Variants in TSC2 observed in about 807,000 individuals in gnomAD.
TSC2 encodes the protein TSC complex subunit 2.
Under a neutral mutation model 202.2 loss-of-function variants are expected in TSC2, and 29 were observed. That is an observed-to-expected ratio of 0.14 (90% CI 0.11 to 0.20). The LOEUF is 0.20. Among genes scored for constraint, TSC2 ranks in the 10% least tolerant of loss-of-function variants. The pLI, the probability that TSC2 is intolerant of heterozygous loss-of-function variation, is 1.00. For missense variants in TSC2, 2,429 were observed against 2,420.0 expected (o/e 1.00, Z -0.08); for synonymous variants, 1,349 against 1,044.0 (o/e 1.29, Z -5.63).
At chr16:2,080,646 G>A (rs1031344671) in intron 30 of TSC2, 2 of 467,546 alleles carry the variant, frequency 4.3e-6, no homozygotes, top group Non-Finnish European at 3.9e-6. Flanking sequence ...ACCACGCCTG[G>A]CCAATTTTTT....
At position 2,066,819 on chromosome 16, in the gene TSC2, C is replaced by T. The variant is rs549814655; in HGVS notation, c.1716+1184C>T. Among the ~76,000 whole-genome samples the T allele has an allele frequency of 7.9e-5, 12 of 152,038 alleles. No homozygotes were observed. The East Asian group carries it at 2.3e-3, about 29-fold the overall frequency. The stretch of plus-strand genomic sequence containing the variant: ...CGTATTACAGGCACCTGCCAACATA[C>T]TCGGCTAATTTTTTGTATTATTAGT... On this transcript the variant is annotated intron_variant, in intron 16 of 41. Coordinates refer to ENST00000219476, the MANE Select transcript of TSC2 (RefSeq NM_000548.5).
In TSC2 at chr16:2,073,107, C is replaced by G. The variant is rs2151330848; in HGVS notation, c.2355+124C>G. 8.8e-6 allele frequency: 13 copies of G among 1,472,290 alleles called. No individual in the cohort carries two copies. In the South Asian group the frequency reaches 1.6e-4, roughly 18 times the overall value. 91.2% of individuals were successfully genotyped at this position (1,472,290 alleles called of 1,614,324 possible). On this transcript the variant is annotated intron_variant, in intron 21 of 41. Coordinates refer to ENST00000219476, the MANE Select transcript of TSC2 (RefSeq NM_000548.5). ...CAGGCCAGGGATGAGTGAGTTGGCT[C>G]TGCTTCCCTGGGTGGCTGCCAGATG... is the stretch of plus-strand genomic sequence containing the variant.
chr16:2,067,517 T>A (rs1348788452), intron 16 of TSC2, among the ~76,000 whole-genome samples: 6 of 150,188 alleles, frequency 4.0e-5, no homozygotes, highest in Non-Finnish European at 8.9e-5. Context: ...ATGCCCGTAA[T>A]CCCAGCACTT....
intron 21 of TSC2, among the ~76,000 whole-genome samples, 164 bp downstream of exon 21, chr16:2,073,147 A>T (rs908221927): frequency 1.3e-5 from 2 of 152,212 alleles, no homozygotes; most frequent in African/African-American, 4.8e-5. Flanking sequence ...GAGTGGGGAC[A>T]TCCGATTCCC....
chr16:2,053,419 G>A lies in TSC2; in HGVS notation c.303G>A (p.Val101=), dbSNP rs2151028329. The A allele has an allele frequency of 6.3e-7, 1 of 1,583,560 alleles. No homozygotes were observed. Among genetic ancestry groups the A allele is most frequent in the East Asian group, 2.3e-5 (1 of 43,310 alleles). The change falls in exon 4 of 42, where the codon GTG becomes GTA. Residue 101 remains valine, a synonymous_variant. Transcript: ENST00000219476. ...GGCCGCTGGAGGCCCGGCACGCGGTGCTGGCTCTGCTGAAGGCCATCGTGC... is the reference window on the plus strand; with the variant it reads ...GGCCGCTGGAGGCCCGGCACGCGGTACTGGCTCTGCTGAAGGCCATCGTGC... ...PERPLEARHA[V]LALLKAIVQG...
chr16:2,074,120 A>C, intron 21 of TSC2, 80 bp from the exon 22 acceptor site: 1 of 1,574,694 alleles, frequency 6.4e-7, no homozygotes, highest in Non-Finnish European at 8.6e-7. Context: ...CTCCCGGTGG[A>C]GCACTCGAGG....
At position 2,076,019 on chromosome 16, in the gene TSC2, G is replaced by C. The variant is rs770395475; in HGVS notation, c.2640-49G>C. On this transcript the variant is annotated intron_variant, in intron 23 of 41. Transcript: ENST00000219476. ...GGTTTTTTGCACTTCATGCCCTGGG[G>C]ATGTTTCCCTGCTGCCAGGATGGAG... 20 of 1,613,424 alleles carry C rather than the reference G, an allele frequency of 1.2e-5. No homozygotes were observed. The Admixed American group carries it at 3.3e-4, about 27-fold the overall frequency.
At position 2,064,220 on chromosome 16, in the gene TSC2, G is replaced by C. The variant is rs866034702; in HGVS notation, c.1444-52G>C. 5 of 1,613,316 alleles carry C rather than the reference G, an allele frequency of 3.1e-6. No individual in the cohort carries two copies. The African/African-American group carries it at 5.3e-5, about 17-fold the overall frequency. On this transcript the variant is annotated intron_variant, in intron 14 of 41. Coordinates refer to ENST00000219476, the MANE Select transcript of TSC2 (RefSeq NM_000548.5). ...TCCTGAGGAATTGGAAGTGTCACGA[G>C]ATGTGGCCCTCGTTGGGCTGGCGCT...
Position 2,088,276 on chromosome 16 carries a change from C to T in TSC2, c.5210C>T (p.Pro1737Leu), listed in dbSNP as rs749326176. Residue 1737 changes from proline to leucine, a missense_variant, in exon 41 of 42, where the codon CCC becomes CTC. Transcript: ENST00000219476. The part of the protein sequence containing the change: ...HSRSNPTDIY[P>L]SKWIARLRHI... ...CGCTCCAACCCCACCGATATCTACC[C>T]CTCCAAGTGGATTGCCCGGCTCCGC... 21 of 1,612,928 alleles carry T rather than the reference C, an allele frequency of 1.3e-5. No homozygotes were observed. Among genetic ancestry groups the T allele is most frequent in the Admixed American group, 8.3e-5 (5 of 60,010 alleles).
intron 37 of TSC2, 128 bp from the exon 38 acceptor site, chr16:2,086,604 C>T (rs2090826719): frequency 6.8e-7 from 1 of 1,477,876 alleles, no homozygotes; most frequent in East Asian, 2.4e-5. Context: ...GACCACTGGC[C>T]AGGCACCAGA....
chr16:2,074,562 C>G, intron 22 of TSC2, 173 bp downstream of exon 22: 1 of 778,184 alleles, frequency 1.3e-6, no homozygotes, highest in Non-Finnish European at 2.1e-6. Context: ...TCCTTCCTGG[C>G]TTTGAGGGGC....
Position 2,088,734 on chromosome 16 carries a change from C to CTT in TSC2, c.*126_*127dup, listed in dbSNP as rs150008139. ...TGCAGTCAGACAGCTCTTTTATTGA[C>CTT]TTTGTCTGCTTGGTGCGGGGGTTGG... On this transcript the variant is annotated 3_prime_UTR_variant, in exon 42 of 42. Transcript: ENST00000219476. The CTT allele has an allele frequency of 1.2e-4, 164 of 1,334,966 alleles. 1 individual carries two copies. The East Asian group carries it at 2.5e-3, about 20-fold the overall frequency. 82.7% of individuals were successfully genotyped at this position (1,334,966 alleles called of 1,614,324 possible). A position where few individuals can be genotyped will look rare whatever the true frequency, so the allele number is the denominator to read the frequency against.
chr16:2,089,033 C>T lies in TSC2; in HGVS notation c.*423C>T. On this transcript the variant is annotated 3_prime_UTR_variant, in exon 42 of 42. Transcript: ENST00000219476. Reference sequence around the variant, plus strand: ...AGCAGGCCTGGGCGCTGCTCTCTTGCTACCTGGCCTGGGGCAAGGGAGGAT... The same window carrying T: ...AGCAGGCCTGGGCGCTGCTCTCTTGTTACCTGGCCTGGGGCAAGGGAGGAT... 9.9e-6 allele frequency: 2 copies of T among 202,808 alleles called. No individual in the cohort carries two copies. The highest frequency in any genetic ancestry group is 1.8e-4 in the South Asian group (2 of 10,942). 12.6% of individuals were successfully genotyped at this position (202,808 alleles called of 1,614,324 possible).
rs780689621 is a variant in TSC2, at chr16:2,057,199, G to A, written c.848+21G>A. The A allele has an allele frequency of 1.4e-5, 22 of 1,551,432 alleles. No individual in the cohort carries two copies. The East Asian group carries it at 2.2e-4, about 16-fold the overall frequency. On this transcript the variant is annotated intron_variant, in intron 9 of 41. Coordinates refer to ENST00000219476, the MANE Select transcript of TSC2 (RefSeq NM_000548.5). ...GACAGGTGAGTGTGGTGGGTGGGGCGCAGGGCAGTGGAGGCCAGCACAGCC... is the reference window on the plus strand; with the variant it reads ...GACAGGTGAGTGTGGTGGGTGGGGCACAGGGCAGTGGAGGCCAGCACAGCC...
In TSC2 at chr16:2,073,033, G is replaced by A. The variant is rs776684016; in HGVS notation, c.2355+50G>A. The A allele has an allele frequency of 8.7e-6, 14 of 1,612,052 alleles. No homozygotes were observed. The East Asian group carries it at 2.7e-4, about 31-fold the overall frequency. On this transcript the variant is annotated intron_variant, in intron 21 of 41. Coordinates refer to ENST00000219476, the MANE Select transcript of TSC2 (RefSeq NM_000548.5). Reference sequence around the variant, plus strand: ...GAGCTTGATGGGGCCTGGGATTCGAGGGCCTGGCCCAGGTAGGCCCCACAT... The same window carrying A: ...GAGCTTGATGGGGCCTGGGATTCGAAGGCCTGGCCCAGGTAGGCCCCACAT...
intron 26 of TSC2, 181 bp from the exon 27 acceptor site, chr16:2,078,851 C>T (rs2089756607): frequency 4.0e-6 from 3 of 754,252 alleles, no homozygotes; most frequent in Non-Finnish European, 6.6e-6. Flanking sequence ...TCTCCCCGTT[C>T]TCTGGGACAA....
rs1294591241 is a variant in TSC2, at chr16:2,088,879, G to GCGCACA, written c.*271_*276dup. On this transcript the variant is annotated 3_prime_UTR_variant, in exon 42 of 42. Coordinates refer to ENST00000219476, the MANE Select transcript of TSC2 (RefSeq NM_000548.5). ...ATACAGCACACTCGCGCGTGCGCGC[G>GCGCACA]CGCACACACACACACACACAGTCAC... 6.4e-6 allele frequency: 3 copies of GCGCACA among 469,710 alleles called. No individual in the cohort carries two copies. The highest frequency in any genetic ancestry group is 2.1e-5 in the South Asian group (1 of 47,404). 29.1% of individuals were successfully genotyped at this position (469,710 alleles called of 1,614,324 possible).
intron 40 of TSC2, 38 bp downstream of exon 40, chr16:2,088,177 A>T (rs2091112266): frequency 6.2e-7 from 1 of 1,612,942 alleles, no homozygotes; most frequent in South Asian, 1.1e-5. Context: ...CTGGTGGGAC[A>T]GGCCCAGGTG....
chr16:2,070,424 G>T (rs1181124850), intron 16 of TSC2, 32 bp from the exon 17 acceptor site: 1 of 1,613,092 alleles, frequency 6.2e-7, no homozygotes, highest in Non-Finnish European at 8.5e-7. Context: ...TTCACCTCCT[G>T]CGCCGTGGTG....
Sources: gnomAD v4.1 joint callset for allele counts (sites outside exome capture counted in the v4.1 genomes callset) on GRCh38, gnomAD v4.1.1 for gene constraint, MANE v1.5 for transcripts, NCBI Gene and HGNC (gene_info 2026-07-23, HGNC 2026-07-21) for gene names.